The following SERPINB1 variants were observed in gnomAD, a reference collection of about 807,000 sequenced individuals.
The protein encoded by SERPINB1 is leukocyte elastase inhibitor.
SERPINB1 carries 23 observed loss-of-function variants against 25.9 expected under a neutral mutation model. That is an observed-to-expected ratio of 0.89 (90% CI 0.64 to 1.26). The LOEUF (loss-of-function observed/expected upper bound fraction) is 1.26, where lower values mean the gene tolerates loss of function less well. SERPINB1 is among the 50% of genes most tolerant of loss of function. SERPINB1 has a pLI of 0.00. For synonymous variants in SERPINB1, 178 were observed against 178.7 expected (o/e 1.00, Z 0.03); for missense variants, 399 against 463.6 (o/e 0.86, Z 1.28).
rs751473888 is a variant in SERPINB1 at position 2,836,093 on chromosome 6, G to A, written c.567+15C>T. The A allele has an allele frequency of 6.2e-7, 1 of 1,613,818 alleles. No homozygotes were observed. Among genetic ancestry groups the A allele is most frequent in the Non-Finnish European group, 8.5e-7 (1 of 1,179,928 alleles). The stretch of plus-strand genomic sequence containing the variant: ...TTAGAGCAATGCATGACTCTGTACA[G>A]TTACCTCACCTCACCTTATTCAATC... On this transcript the variant is annotated intron_variant, in intron 5 of 6. Coordinates refer to ENST00000380739, the MANE Select transcript of SERPINB1 (RefSeq NM_030666.4).
chr6:2,836,095 TACCTC>T lies in SERPINB1; in HGVS notation c.567+8_567+12del. ...AGAGCAATGCATGACTCTGTACAGT[TACCTC>T]ACCTCACCTTATTCAATCTGAATGG... On this transcript the variant is annotated splice_region_variant and intron_variant, in intron 5 of 6. Transcript: ENST00000380739. 6.2e-7 allele frequency: 1 copy of T among 1,613,990 alleles called. No homozygotes were observed. The highest frequency in any genetic ancestry group is 1.1e-5 in the South Asian group (1 of 91,040).
At chr6:2,836,085 T>C in intron 5 of SERPINB1, 23 bp downstream of exon 5, 1 of 1,614,058 alleles carries the variant, frequency 6.2e-7, no homozygotes, top group Non-Finnish European at 8.5e-7. Flanking sequence ...AATGCATGAC[T>C]CTGTACAGTT....
chr6:2,833,386 A>C lies in SERPINB1; in HGVS notation c.*222T>G, dbSNP rs1452746782. ...TCTTCTTCTTTACTTGATGCATTCAAAAGCAACCACTGGATTTTTTTCAAT... is the reference window on the plus strand; with the variant it reads ...TCTTCTTCTTTACTTGATGCATTCACAAGCAACCACTGGATTTTTTTCAAT... On this transcript the variant is annotated 3_prime_UTR_variant, in exon 7 of 7. Transcript: ENST00000380739. 2.1e-6 allele frequency: 1 copy of C among 470,994 alleles called. No homozygotes were observed. The highest frequency in any genetic ancestry group is 3.7e-6 in the Non-Finnish European group (1 of 268,322). The allele number at this position is 470,994 out of a possible 1,614,324, so 29.2% of individuals were successfully genotyped here.
In SERPINB1 at chr6:2,832,926, G is replaced by A. The variant is rs1766378000; in HGVS notation, c.*682C>T. 6.6e-6 allele frequency: 1 copy of A among 152,134 alleles called. No homozygotes were observed. The highest frequency in any genetic ancestry group is 1.5e-5 in the Non-Finnish European group (1 of 68,034). The allele number at this position is 152,134 out of a possible 1,614,324, so 9.4% of individuals were successfully genotyped here. A position where few individuals can be genotyped will look rare whatever the true frequency, so the allele number is the denominator to read the frequency against. On this transcript the variant is annotated 3_prime_UTR_variant, in exon 7 of 7. Transcript: ENST00000380739. ...ATCTTACTACATGGTTATTTTTGTA[G>A]ACTCTTGGTATCTTTTATCCTAAGA...
At position 2,835,848 on chromosome 6, in the gene SERPINB1, A is replaced by T. The variant is rs368691064; in HGVS notation, c.735+8T>A. 6.2e-7 allele frequency: 1 copy of T among 1,609,634 alleles called. No homozygotes were observed. Among genetic ancestry groups the T allele is most frequent in the Non-Finnish European group, 8.5e-7 (1 of 1,177,600 alleles). On this transcript the variant is annotated splice_region_variant and intron_variant, in intron 6 of 6. Transcript: ENST00000380739. ...GGAACCACAAAGCATGAAGCCCAGG[A>T]GCCATACCTTCTTCAGGCCCGTGGA...
chr6:2,834,351 C>T (rs1189406792), intron 6 of SERPINB1, among the ~76,000 whole-genome samples: 1 of 151,332 alleles, frequency 6.6e-6, no homozygotes, highest in Non-Finnish European at 1.5e-5. Flanking sequence ...AGCTACCCAG[C>T]AACACAGCCA....
intron 4 of SERPINB1, among the ~76,000 whole-genome samples, chr6:2,836,577 C>A (rs1422158959): frequency 7.2e-6 from 1 of 138,094 alleles, no homozygotes; most frequent in Non-Finnish European, 1.6e-5. Flanking sequence ...TTGTAACAAC[C>A]ATTCTTTTTT....
rs1766651171 is a variant in SERPINB1 at position 2,841,445 on chromosome 6, C to G, written c.-9+367G>C. On this transcript the variant is annotated intron_variant, in intron 1 of 6. Coordinates refer to ENST00000380739, the MANE Select transcript of SERPINB1 (RefSeq NM_030666.4). The surrounding 1 kb of genome is among the most constrained non-coding windows in gnomAD (Gnocchi z 4.5). ...TGCAGATAGGAGCCGCGGCCTGGCC[C>G]TGGGCTGCCTGGAAACCGTCACAAA... 1 of 152,706 alleles carries G rather than the reference C, an allele frequency of 6.5e-6. No individual in the cohort carries two copies. The highest frequency in any genetic ancestry group is 2.1e-4 in the South Asian group (1 of 4,836). The allele number at this position is 152,706 out of a possible 1,614,324, so 9.5% of individuals were successfully genotyped here.
intron 1 of SERPINB1, 132 bp from the exon 2 acceptor site, chr6:2,840,726 GCTT>G: frequency 1.6e-5 from 13 of 802,772 alleles, no homozygotes; most frequent in Non-Finnish European, 2.4e-5. Flanking sequence ...CTTTCTCCCC[GCTT>G]TTTTATTCCA....
intron 2 of SERPINB1, chr6:2,839,556 G>A (rs976514828): frequency 3.5e-6 from 3 of 854,264 alleles, no homozygotes; most frequent in Non-Finnish European, 4.2e-6. Context: ...TATCTAAAGT[G>A]ATGAGTAATA....
chr6:2,838,412 GT>G, intron 3 of SERPINB1, 136 bp downstream of exon 3: 2 of 759,670 alleles, frequency 2.6e-6, no homozygotes, highest in Non-Finnish European at 3.8e-6. Context: ...CTTCCATATT[GT>G]TTTTGCCATG....
chr6:2,834,715 C>G (rs1766436116), intron 6 of SERPINB1, among the ~76,000 whole-genome samples: 1 of 152,206 alleles, frequency 6.6e-6, no homozygotes, highest in South Asian at 2.1e-4. Flanking sequence ...CCCACTGAAG[C>G]TGAAGTAATA....
At position 2,838,625 on chromosome 6, in the gene SERPINB1, A is replaced by C. The variant is rs372976817; in HGVS notation, c.230T>G (p.Ile77Ser). Residue 77 changes from isoleucine to serine, a missense_variant, in exon 3 of 7, where the codon ATC becomes AGC. Physicochemically the swap from Ile to Ser is moderately radical, Grantham distance 142. Transcript: ENST00000380739. ...HSRFQSLNAD[I>S]NKRGASYILK... ...AATATAAGACGCTCCACGTTTGTTG[A>C]TATCAGCATTCAGACTCTGGAATCT... The C allele has an allele frequency of 6.2e-7, 1 of 1,610,870 alleles. No individual in the cohort carries two copies. Among genetic ancestry groups the C allele is most frequent in the South Asian group, 1.1e-5 (1 of 90,426 alleles).
At position 2,841,791 on chromosome 6, in the gene SERPINB1, C is replaced by G. The variant is rs1346366918; in HGVS notation, c.-9+21G>C. 2 of 152,474 alleles carry G rather than the reference C, an allele frequency of 1.3e-5. No individual in the cohort carries two copies. The highest frequency in any genetic ancestry group is 1.5e-5 in the Non-Finnish European group (1 of 68,270). The allele number at this position is 152,474 out of a possible 1,614,324, so 9.4% of individuals were successfully genotyped here. On this transcript the variant is annotated intron_variant, in intron 1 of 6. Transcript: ENST00000380739. This position sits in a 1 kb window ranked among gnomAD's most constrained non-coding sequence, Gnocchi z 4.5. ...CTCCCCGCGCCCGCCCCCGCGCCAC[C>G]GCTCCGAGGCCCGGCCTTACCCGAC...
In SERPINB1 at chr6:2,833,880, G is replaced by A. The variant is rs115979952; in HGVS notation, c.868C>T (p.Arg290Cys). ...ESYTLNSDLA[R>C]LGVQDLFNSS... ...TTAAAGAGATCCTGCACACCTAGGC[G>A]GGCGAGGTCGGAGTTGAGAGTGTAA... The change falls in exon 7 of 7, where the codon CGC becomes TGC. Residue 290 changes from arginine (R) to cysteine (C), a missense_variant. Physicochemically the swap from Arg to Cys is radical, Grantham distance 180 (BLOSUM62 -3). Coordinates refer to ENST00000380739, the MANE Select transcript of SERPINB1 (RefSeq NM_030666.4). The A allele has an allele frequency of 1.0e-3, 1,674 of 1,614,160 alleles. 14 individuals are homozygous for A. In the African/African-American group the frequency reaches 0.02, roughly 19 times the overall value.
intron 3 of SERPINB1, 91 bp downstream of exon 3, chr6:2,838,458 A>G: frequency 8.2e-7 from 1 of 1,218,170 alleles, no homozygotes; most frequent in Non-Finnish European, 1.1e-6. Flanking sequence ...AAAGTTTACA[A>G]ATATTAAAAC....
chr6:2,840,635 C>T (rs937077250), intron 1 of SERPINB1, 41 bp from the exon 2 acceptor site: 4 of 1,546,496 alleles, frequency 2.6e-6, no homozygotes, highest in Admixed American at 4.1e-5. Context: ...CCACTGCCCA[C>T]GCCAGCAGAT....
rs771024677 is a variant in SERPINB1 at position 2,833,560 on chromosome 6, G to A, written c.*48C>T. The A allele has an allele frequency of 1.3e-6, 2 of 1,492,788 alleles. No homozygotes were observed. The highest frequency in any genetic ancestry group is 4.3e-5 in the Admixed American group (2 of 46,928). The allele number at this position is 1,492,788 out of a possible 1,614,324, so 92.5% of individuals were successfully genotyped here. ...CATATTGGCTCTATTAAAAACTCAG[G>A]TAATAAAGCACTAAGCTTGATTTTT... On this transcript the variant is annotated 3_prime_UTR_variant, in exon 7 of 7. Coordinates refer to ENST00000380739, the MANE Select transcript of SERPINB1 (RefSeq NM_030666.4).
rs1426591075 is a variant in SERPINB1 at position 2,833,991 on chromosome 6, C to T, written c.757G>A (p.Glu253Lys). The change falls in exon 7 of 7, where the codon GAA becomes AAA. Residue 253 changes from glutamate to lysine, a missense_variant. Glu to Lys is a moderately conservative substitution (Grantham distance 56). Transcript: ENST00000380739. Reference sequence around the variant, plus strand: ...GGTTTAGTCCACTCATGCAACTTTTCCAAAGTCAACTGTTCCTCAATCTGC... The same window carrying T: ...GGTTTAGTCCACTCATGCAACTTTTTCAAAGTCAACTGTTCCTCAATCTGC... Reference protein sequence around the residue: ...LKKIEEQLTLEKLHEWTKPEN... With the variant: ...LKKIEEQLTLKKLHEWTKPEN... 1 of 1,599,998 alleles carries T rather than the reference C, an allele frequency of 6.3e-7. No individual in the cohort carries two copies. Among genetic ancestry groups the T allele is most frequent in the East Asian group, 2.2e-5 (1 of 44,610 alleles).
Sources: allele counts gnomAD v4.1 joint callset (sites outside exome capture counted in the v4.1 genomes callset), GRCh38; gene constraint gnomAD v4.1.1; non-coding constraint Gnocchi (gnomAD v3.1); transcripts MANE v1.5; gene names NCBI Gene and HGNC (gene_info 2026-07-23, HGNC 2026-07-21).